Variants in PCSK6 observed in about 807,000 individuals in gnomAD.
The protein encoded by PCSK6 is proprotein convertase subtilisin/kexin type 6.
Under a neutral mutation model 123.3 loss-of-function variants are expected in PCSK6, and 85 were observed. The ratio of observed to expected loss-of-function variants is 0.69; its 90% CI spans 0.58 to 0.83. The LOEUF (loss-of-function observed/expected upper bound fraction) is 0.83. Ranked by LOEUF, PCSK6 falls within the 40% of genes least tolerant of loss-of-function variation. The pLI, the probability that PCSK6 is intolerant of heterozygous loss-of-function variation, is 0.00. For synonymous variants in PCSK6, 508 were observed against 516.0 expected (o/e 0.98, Z 0.21); for missense variants, 1,191 against 1,282.3 (o/e 0.93, Z 1.09).
chr15:101,464,999 C>T (rs2057424645), intron 1 of PCSK6, among the ~76,000 whole-genome samples: 2 of 152,048 alleles, frequency 1.3e-5, no homozygotes, highest in Non-Finnish European at 2.9e-5. Context: ...GGGAGAGGCT[C>T]CAAGATGAAA....
intron 1 of PCSK6, among the ~76,000 whole-genome samples, chr15:101,483,520 C>T (rs541006175): frequency 2.0e-5 from 3 of 152,294 alleles, no homozygotes; most frequent in Non-Finnish European, 2.9e-5. Flanking sequence ...ATACCCCAGG[C>T]AAAGCAAAAA....
intron 20 of PCSK6, among the ~76,000 whole-genome samples, chr15:101,309,837 C>T (rs1250807134): frequency 2.0e-5 from 3 of 152,172 alleles, no homozygotes; most frequent in South Asian, 2.1e-4. Context: ...GGGTGTCCGG[C>T]CCCTCTCTTA....
rs187809639 is a variant in PCSK6 at position 101,460,206 on chromosome 15, T to C, written c.298-16546A>G. On this transcript the variant is annotated intron_variant, in intron 1 of 21. Transcript: ENST00000611716. ...TGTCCTCCTCTCTGTGGGCTCTCTC[T>C]CATCTCCCCTCAGAAGACTCTCTCC... Among the ~76,000 whole-genome samples, 4 of 151,980 alleles carry C rather than the reference T, an allele frequency of 2.6e-5. No individual in the cohort carries two copies. The East Asian group carries it at 7.8e-4, about 30-fold the overall frequency.
In PCSK6 at chr15:101,448,254, A is replaced by T. The variant is rs148229821; in HGVS notation, c.298-4594T>A. ...TGCATTACTTGATCAAACTGATAAC[A>T]TCATTAGAACATCATTACAAACCTT... On this transcript the variant is annotated intron_variant, in intron 1 of 21. Coordinates refer to ENST00000611716, the MANE Select transcript of PCSK6 (RefSeq NM_002570.5). Among the ~76,000 whole-genome samples, 216 of 152,392 alleles carry T rather than the reference A, an allele frequency of 1.4e-3. 2 individuals are homozygous for T. Among genetic ancestry groups the T allele is most frequent in the African/African-American group, 5.1e-3 (212 of 41,600 alleles).
chr15:101,356,379 G>C (rs2041041020), intron 13 of PCSK6, among the ~76,000 whole-genome samples: 1 of 152,052 alleles, frequency 6.6e-6, no homozygotes, highest in Non-Finnish European at 1.5e-5. Context: ...AGGTGTGCTG[G>C]GCTGGGTGCA....
chr15:101,412,711 AT>A (rs2055737011), intron 6 of PCSK6, among the ~76,000 whole-genome samples: 1 of 140,048 alleles, frequency 7.1e-6, no homozygotes, highest in African/African-American at 2.9e-5. Context: ...ATATATATAT[AT>A]AAAATTACCC....
In PCSK6 at chr15:101,488,637, T is replaced by A. The variant is rs145657040; in HGVS notation, c.297+737A>T. Among the ~76,000 whole-genome samples the A allele has an allele frequency of 4.3e-3, 651 of 152,136 alleles. 6 individuals carry two copies. The highest frequency in any genetic ancestry group is 0.015 in the African/African-American group (620 of 41,512). On this transcript the variant is annotated intron_variant, in intron 1 of 21. Coordinates refer to ENST00000611716, the MANE Select transcript of PCSK6 (RefSeq NM_002570.5). ...AAAGGAGCTTGTCAGGGGAGCGACT[T>A]GCCAAAGGTCACACCGCTCGGCCAT... is the stretch of plus-strand genomic sequence containing the variant.
At chr15:101,416,059 C>T (rs1000586153) in intron 6 of PCSK6, among the ~76,000 whole-genome samples, 5 of 152,192 alleles carry the variant, frequency 3.3e-5, no homozygotes, top group Non-Finnish European at 7.3e-5. Flanking sequence ...GGGTAACAGG[C>T]AGAGGCTGGA....
At chr15:101,369,563 T>C (rs1402970769) in intron 12 of PCSK6, among the ~76,000 whole-genome samples, 1 of 152,200 alleles carries the variant, frequency 6.6e-6, no homozygotes, top group Non-Finnish European at 1.5e-5. Context: ...GAAATGCTGA[T>C]TTGTCCATGA....
chr15:101,341,724 A>T (rs2040613084), intron 13 of PCSK6, among the ~76,000 whole-genome samples: 1 of 152,242 alleles, frequency 6.6e-6, no homozygotes, highest in African/African-American at 2.4e-5. Context: ...AGAAATGGTA[A>T]AGGATGTGTT....
intron 13 of PCSK6, chr15:101,346,915 T>A: frequency 8.1e-7 from 1 of 1,231,702 alleles, no homozygotes; most frequent in Non-Finnish European, 1.0e-6. Context: ...ACATACTTCT[T>A]TTTTTCTCAA....
At chr15:101,375,726 TC>T (rs2041717467) in intron 11 of PCSK6, among the ~76,000 whole-genome samples, 1 of 152,196 alleles carries the variant, frequency 6.6e-6, no homozygotes, top group Non-Finnish European at 1.5e-5. Context: ...GGTGCAGCTC[TC>T]ATGCCATAAA....
intron 19 of PCSK6, among the ~76,000 whole-genome samples, chr15:101,316,112 G>T (rs1397440471): frequency 6.6e-6 from 1 of 152,226 alleles, no homozygotes; most frequent in Non-Finnish European, 1.5e-5. Flanking sequence ...GGCACAGGAA[G>T]TAGGCAGCTG....
chr15:101,453,045 T>C (rs1341991634), intron 1 of PCSK6, among the ~76,000 whole-genome samples: 1 of 152,244 alleles, frequency 6.6e-6, no homozygotes, highest in Non-Finnish European at 1.5e-5. Context: ...CCAGACCTTT[T>C]AGCCCCTTTC....
rs1219286024 is a variant in PCSK6 at position 101,370,480 on chromosome 15, T to C, written c.1576A>G (p.Ser526Gly). The C allele has an allele frequency of 2.6e-6, 4 of 1,544,018 alleles. No homozygotes were observed. Among genetic ancestry groups the C allele is most frequent in the Non-Finnish European group, 3.5e-6 (4 of 1,142,468 alleles). The change falls in exon 12 of 22, where the codon AGC (serine) becomes GGC (glycine). Residue 526 changes from serine (S) to glycine (G), a missense_variant. Ser to Gly is a moderately conservative substitution (Grantham distance 56). Around this residue, in one of 3 missense-constraint regions of PCSK6, gnomAD observed 630 missense variants for 631.4 expected, o/e 1.00. Coordinates refer to ENST00000611716, the MANE Select transcript of PCSK6 (RefSeq NM_002570.5). ...VQVLRTTALT[S>G]ACAEHSDQRV... is the part of the protein sequence containing the mutation. ...TGGTCCGAGTGCTCCGCGCAGGCGC[T>C]GGTCAGGGCCGTAGTCCGCAGCACC...
intron 11 of PCSK6, among the ~76,000 whole-genome samples, chr15:101,376,825 T>C (rs1251923964): frequency 1.3e-5 from 2 of 152,204 alleles, no homozygotes; most frequent in African/African-American, 4.8e-5. Context: ...AGGGCGGGAC[T>C]GCACAGCACC....
chr15:101,307,182 G>T, intron 21 of PCSK6, 31 bp downstream of exon 21: 1 of 1,533,008 alleles, frequency 6.5e-7, no homozygotes, highest in Non-Finnish European at 9.0e-7. Context: ...TCCTCCACAG[G>T]CAGCCCCAGG....
intron 20 of PCSK6, among the ~76,000 whole-genome samples, chr15:101,310,010 A>C (rs1002862608): frequency 6.6e-6 from 1 of 152,196 alleles, no homozygotes; most frequent in Non-Finnish European, 1.5e-5. Context: ...GTCTGGCCAC[A>C]TGCTCCCTCG....
intron 20 of PCSK6, among the ~76,000 whole-genome samples, chr15:101,310,332 GC>G (rs1567135037): frequency 6.6e-6 from 1 of 152,148 alleles, no homozygotes; most frequent in African/African-American, 2.4e-5. Context: ...CGGTGGGGCT[GC>G]CCGCCTGCTG....
Sources: gnomAD v4.1 joint callset for allele counts (sites outside exome capture counted in the v4.1 genomes callset) on GRCh38, gnomAD v4.1.1 for gene constraint, gnomAD v4.1.1 regional missense constraint, MANE v1.5 for transcripts, NCBI Gene and HGNC (gene_info 2026-07-23, HGNC 2026-07-21) for gene names.